CHLSN: variants seen among roughly 807,000 people sequenced by gnomAD.
The protein encoded by CHLSN is cholesin.
At chr7:1,127,812 G>A in the CHLSN span, among the ~76,000 whole-genome samples, 7 of 75,986 alleles carry the variant, frequency 9.2e-5, no homozygotes, top group Non-Finnish European at 1.7e-4. Flanking sequence ...TGATCCCACC[G>A]TCACCCGGGC....
chr7:1,010,057 C>T, the CHLSN span: 49 of 1,612,216 alleles, frequency 3.0e-5, no homozygotes, highest in Non-Finnish European at 4.0e-5. Context: ...TCTTCCGTTC[C>T]TTTTTCAGCT....
At chr7:1,009,931 G>A in the CHLSN span, 15 of 1,523,080 alleles carry the variant, frequency 9.8e-6, no homozygotes, top group Admixed American at 2.0e-5. Flanking sequence ...ACAGAACCGC[G>A]TGGGGCAGGG....
At chr7:1,112,534 A>C in the CHLSN span, among the ~76,000 whole-genome samples, 1 of 152,116 alleles carries the variant, frequency 6.6e-6, no homozygotes, top group African/African-American at 2.4e-5. Flanking sequence ...GGATGGCCCC[A>C]CATGAAGCCA....
At chr7:1,092,007 C>A in the CHLSN span, 1,947 of 1,614,164 alleles carry the variant, frequency 1.2e-3, no homozygotes, top group Non-Finnish European at 1.6e-3. Context: ...AGATGACCAT[C>A]CCCGACCTGT....
the CHLSN span, chr7:1,091,785 G>T: frequency 1.9e-6 from 3 of 1,582,062 alleles, no homozygotes; most frequent in South Asian, 2.3e-5. Context: ...CAGGCACCGC[G>T]CAGCCTGCGG....
chr7:1,112,264 C>T, the CHLSN span, among the ~76,000 whole-genome samples: 4 of 152,178 alleles, frequency 2.6e-5, no homozygotes, highest in East Asian at 3.9e-4. Context: ...GGAAGGCCGG[C>T]GAGCCTCCAG....
the CHLSN span, among the ~76,000 whole-genome samples, chr7:996,299 G>A: frequency 6.6e-6 from 1 of 152,238 alleles, no homozygotes. Context: ...GCAGCTCTGT[G>A]CGTTGGTGGC....
chr7:1,008,893 T>C, the CHLSN span, among the ~76,000 whole-genome samples: 1 of 75,312 alleles, frequency 1.3e-5, no homozygotes, highest in African/African-American at 8.8e-5. Flanking sequence ...CGTATACACA[T>C]GCACACACGT....
the CHLSN span, among the ~76,000 whole-genome samples, chr7:1,128,319 C>CCT: frequency 1.2e-4 from 1 of 8,616 alleles, no homozygotes. Context: ...CTCATCCCAC[C>CCT]GTCACCCGGG....
At chr7:1,070,515 AC>A in the CHLSN span, among the ~76,000 whole-genome samples, 20 of 145,386 alleles carry the variant, frequency 1.4e-4, no homozygotes, top group Middle Eastern at 6.9e-3. Flanking sequence ...ACACATGCAC[AC>A]ATGCATACAC....
At chr7:1,018,836 T>G in the CHLSN span, among the ~76,000 whole-genome samples, 2 of 151,194 alleles carry the variant, frequency 1.3e-5, no homozygotes, top group African/African-American at 4.9e-5. Flanking sequence ...CGGGGGTGGG[T>G]GATAGGCTCG....
At chr7:1,062,871 T>G in the CHLSN span, among the ~76,000 whole-genome samples, 2 of 152,134 alleles carry the variant, frequency 1.3e-5, no homozygotes, top group Non-Finnish European at 2.9e-5. Context: ...CCATTTCACA[T>G]GTACCCCTAC....
At chr7:1,011,937 G>C in the CHLSN span, among the ~76,000 whole-genome samples, 1 of 152,210 alleles carries the variant, frequency 6.6e-6, no homozygotes, top group African/African-American at 2.4e-5. Flanking sequence ...ACCAGGCCAG[G>C]CACGCAGGGC....
the CHLSN span, among the ~76,000 whole-genome samples, chr7:1,083,480 T>C: frequency 2.6e-5 from 4 of 151,332 alleles, no homozygotes; most frequent in Non-Finnish European, 4.4e-5. Context: ...TACAAAAAAT[T>C]AGCCGGGCCT....
At chr7:1,091,768 A>G in the CHLSN span, 1 of 1,561,114 alleles carries the variant, frequency 6.4e-7, no homozygotes, top group Non-Finnish European at 8.7e-7. Context: ...GGGCCTGGAG[A>G]TGTACCCAGG....
chr7:1,016,287 C>T, the CHLSN span, among the ~76,000 whole-genome samples: 4 of 53,072 alleles, frequency 7.5e-5, 1 homozygote, highest in Non-Finnish European at 1.2e-4. Context: ...CAGCACACAG[C>T]AGTGCACGCC....
the CHLSN span, among the ~76,000 whole-genome samples, chr7:1,013,058 C>T: frequency 5.7e-4 from 86 of 152,186 alleles, no homozygotes; most frequent in African/African-American, 1.8e-3. Context: ...GGGAGCAGCG[C>T]GGGAGGGTGG....
the CHLSN span, among the ~76,000 whole-genome samples, chr7:1,051,484 C>T: frequency 3.3e-5 from 5 of 152,358 alleles, no homozygotes; most frequent in East Asian, 1.9e-4. Flanking sequence ...GACACTCTCC[C>T]GATTCCGCTG....
chr7:1,051,937 C>T, the CHLSN span, among the ~76,000 whole-genome samples: 1 of 152,220 alleles, frequency 6.6e-6, no homozygotes, highest in Non-Finnish European at 1.5e-5. Context: ...ATGATGGTAC[C>T]ACTGCCCTCC....
Sources: gnomAD v4.1 joint callset for allele counts (sites outside exome capture counted in the v4.1 genomes callset) on GRCh38, gnomAD v4.1.1 for gene constraint, MANE v1.5 for transcripts, NCBI Gene and HGNC (gene_info 2026-07-23, HGNC 2026-07-21) for gene names.